Variants in UGT1A4 observed in about 807,000 individuals in gnomAD.
UGT1A4 encodes UDP-glucuronosyltransferase 1A4.
Under a neutral mutation model 41.1 loss-of-function variants are expected in UGT1A4, and 32 were observed. The observed-to-expected ratio is 0.78, with a 90% CI of 0.59 to 1.05. The LOEUF is 1.05. Ranked by LOEUF, UGT1A4 falls within the 50% of genes least tolerant of loss-of-function variation. The pLI, the probability that UGT1A4 is intolerant of heterozygous loss-of-function variation, is 0.00. For synonymous variants in UGT1A4, 283 were observed against 265.1 expected (o/e 1.07, Z -0.66); for missense variants, 748 against 677.4 (o/e 1.10, Z -1.16).
chr2:233,768,681 C>T lies in UGT1A4; in HGVS notation c.1307+242C>T, dbSNP rs537750391. On this transcript the variant is annotated intron_variant, in intron 4 of 4. Coordinates refer to ENST00000373409, the MANE Select transcript of UGT1A4 (RefSeq NM_007120.3). Reference sequence around the variant, plus strand: ...GGCTTACTGCAACCTCCACCTCCCACGTTCAAGCAGTTCTGCCTCAGCCTC... The same window carrying T: ...GGCTTACTGCAACCTCCACCTCCCATGTTCAAGCAGTTCTGCCTCAGCCTC... 2.7e-5 allele frequency among the ~76,000 whole-genome samples: 4 copies of T among 148,006 alleles called. No individual in the cohort carries two copies. The East Asian group carries it at 6.1e-4, about 23-fold the overall frequency.
chr2:233,730,518 T>C (rs1423750757), intron 1 of UGT1A4, among the ~76,000 whole-genome samples: 2 of 152,032 alleles, frequency 1.3e-5, no homozygotes, highest in African/African-American at 4.8e-5. Context: ...TCAGTGGAAG[T>C]GGGGCAATGA....
intron 1 of UGT1A4, chr2:233,755,528 C>G (rs1695950556): frequency 6.3e-6 from 1 of 159,796 alleles, no homozygotes; most frequent in South Asian, 1.8e-4. Flanking sequence ...CGGCCTCCAA[C>G]CAGCCATGGT....
chr2:233,743,731 G>T (rs373030535), intron 1 of UGT1A4: 5 of 1,367,244 alleles, frequency 3.7e-6, no homozygotes, highest in African/African-American at 3.0e-5. Context: ...CATAGATATC[G>T]CGTTTCTTGG....
chr2:233,721,483 T>C (rs977271860), intron 1 of UGT1A4: 7 of 174,698 alleles, frequency 4.0e-5, no homozygotes, highest in African/African-American at 1.7e-4. Context: ...ATCATTCTTA[T>C]TATTTTAGTT....
rs1025205090 is a variant in UGT1A4, at chr2:233,748,083, G to A, written c.868-18951G>A. 35 of 1,612,864 alleles carry A rather than the reference G, an allele frequency of 2.2e-5. No homozygotes were observed. In the Middle Eastern group the frequency reaches 5.0e-4, roughly 23 times the overall value. On this transcript the variant is annotated intron_variant, in intron 1 of 4. Transcript: ENST00000373409. ...CAACAGGAAGCCACTATCTCAGGTC[G>A]GTGTTCGTGCCTTCATCCAATCAAT... is the stretch of plus-strand genomic sequence containing the variant.
At chr2:233,738,243 A>G (rs57963849) in intron 1 of UGT1A4, among the ~76,000 whole-genome samples, 4 of 152,190 alleles carry the variant, frequency 2.6e-5, no homozygotes, top group Non-Finnish European at 5.9e-5. Context: ...CTCCAGCCAC[A>G]TGGAACTGGA....
chr2:233,766,281 G>A (rs1699102730), intron 1 of UGT1A4, among the ~76,000 whole-genome samples: 1 of 151,840 alleles, frequency 6.6e-6, no homozygotes. Context: ...GGTGGCCCGG[G>A]CTCGGTGGCC....
chr2:233,768,750 T>C (rs190233981), intron 4 of UGT1A4, among the ~76,000 whole-genome samples: 30 of 152,044 alleles, frequency 2.0e-4, no homozygotes, highest in Admixed American at 8.5e-4. Flanking sequence ...GCCCGGTTAA[T>C]TTTTGTATTT....
intron 1 of UGT1A4, among the ~76,000 whole-genome samples, chr2:233,750,335 T>C (rs1295665958): frequency 6.6e-6 from 1 of 151,930 alleles, no homozygotes; most frequent in Non-Finnish European, 1.5e-5. Context: ...TTCAGAGAGA[T>C]GATCTGAAAT....
intron 1 of UGT1A4, chr2:233,729,594 C>G (rs1443112600): frequency 1.2e-6 from 2 of 1,613,988 alleles, no homozygotes; most frequent in African/African-American, 2.7e-5. Flanking sequence ...CCGTTAACCT[C>G]TGCGCGGCAG....
intron 1 of UGT1A4, chr2:233,742,861 T>TAG (rs1692120681): frequency 6.2e-6 from 1 of 162,394 alleles, no homozygotes; most frequent in Admixed American, 5.8e-5. Context: ...TCAAATGATT[T>TAG]AGAGCAAACC....
chr2:233,765,641 G>A (rs914163891), intron 1 of UGT1A4, among the ~76,000 whole-genome samples: 1 of 151,492 alleles, frequency 6.6e-6, no homozygotes, highest in African/African-American at 2.4e-5. Flanking sequence ...TTAGAGGATA[G>A]GTCAATAGGT....
intron 1 of UGT1A4, chr2:233,756,004 CTATT>C (rs1422603012): frequency 6.6e-6 from 1 of 152,210 alleles, no homozygotes; most frequent in Non-Finnish European, 1.5e-5. Flanking sequence ...TGCATTCTAT[CTATT>C]GTGATATTAC....
chr2:233,755,285 A>G (rs1468695441), intron 1 of UGT1A4: 11 of 681,694 alleles, frequency 1.6e-5, no homozygotes, highest in Non-Finnish European at 2.3e-6. Context: ...ACTGCCAAAG[A>G]GCCTGCGGGG....
intron 1 of UGT1A4, among the ~76,000 whole-genome samples, chr2:233,724,290 G>A: frequency 7.3e-6 from 1 of 136,758 alleles, no homozygotes. Flanking sequence ...GCGGGGGGCT[G>A]ACCCCCCCAC....
intron 1 of UGT1A4, among the ~76,000 whole-genome samples, chr2:233,732,245 G>A (rs1417876377): frequency 2.0e-5 from 3 of 152,190 alleles, no homozygotes; most frequent in Non-Finnish European, 4.4e-5. Context: ...TAGGTTGCCT[G>A]TTCACTCTGA....
At chr2:233,759,330 G>A (rs1053848979) in intron 1 of UGT1A4, among the ~76,000 whole-genome samples, 20 of 152,160 alleles carry the variant, frequency 1.3e-4, no homozygotes, top group Admixed American at 1.3e-3. Flanking sequence ...TTAATTGGTT[G>A]GTTCAGGTGA....
rs376887521 is a variant in UGT1A4, at chr2:233,757,535, A to AATATATATACATATACAT, written c.868-9490_868-9489insCATATACATATATATATA. On this transcript the variant is annotated intron_variant, in intron 1 of 4. Transcript: ENST00000373409. ...CAAAGCCAAAATCTTGCCTGTAAGG[A>AATATATATACATATACAT]ATATATATATATATATATATATATA... 8.8e-4 allele frequency among the ~76,000 whole-genome samples: 78 copies of AATATATATACATATACAT among 88,252 alleles called. 1 individual carries two copies. The highest frequency in any genetic ancestry group is 1.7e-3 in the African/African-American group (33 of 19,924). 57.9% of individuals were successfully genotyped at this position (88,252 alleles called of 152,430 possible). A position where few individuals can be genotyped will look rare whatever the true frequency, so the allele number is the denominator to read the frequency against.
At chr2:233,760,501 G>A (rs2125985080) in intron 1 of UGT1A4, 3 of 1,614,238 alleles carry the variant, frequency 1.9e-6, no homozygotes, top group Non-Finnish European at 2.5e-6. Flanking sequence ...CAGAGACGGA[G>A]CATTTTACAC....
Sources: gnomAD v4.1 joint callset for allele counts (sites outside exome capture counted in the v4.1 genomes callset) on GRCh38, gnomAD v4.1.1 for gene constraint, MANE v1.5 for transcripts, NCBI Gene and HGNC (gene_info 2026-07-23, HGNC 2026-07-21) for gene names.